Variants in PCDHA8 observed in about 807,000 individuals in gnomAD.
PCDHA8 encodes protocadherin alpha-8.
PCDHA8 carries 53 observed loss-of-function variants against 61.8 expected under a neutral mutation model. That is an observed-to-expected ratio of 0.86 (90% CI 0.69 to 1.08). The LOEUF is 1.08. Among genes scored for constraint, PCDHA8 ranks in the 50% least tolerant of loss-of-function variants. The pLI, the probability that PCDHA8 is intolerant of heterozygous loss-of-function variation, is 0.00. For synonymous variants in PCDHA8, 618 were observed against 556.6 expected (o/e 1.11, Z -1.55); for missense variants, 1,293 against 1,245.0 (o/e 1.04, Z -0.58).
intron 3 of PCDHA8, among the ~76,000 whole-genome samples, chr5:140,984,610 G>A (rs2097110934): frequency 6.6e-6 from 1 of 152,188 alleles, no homozygotes; most frequent in African/African-American, 2.4e-5. Flanking sequence ...CTCTGCATCA[G>A]TGGTGTAAAG....
intron 3 of PCDHA8, among the ~76,000 whole-genome samples, chr5:140,993,524 A>ACGGG (rs2097569997): frequency 2.0e-5 from 3 of 147,314 alleles, no homozygotes; most frequent in Admixed American, 2.0e-4. Flanking sequence ...AGAGAGAGAC[A>ACGGG]GAGAGAGAGA....
chr5:140,842,399 C>G lies in PCDHA8; in HGVS notation c.1078C>G (p.Arg360Gly). ...ACTGACTTCCTTATCCTTGCCTGTACGTGAAGACGCTCAATTTGGTACTGT... is the reference window on the plus strand; with the variant it reads ...ACTGACTTCCTTATCCTTGCCTGTAGGTGAAGACGCTCAATTTGGTACTGT... ...IALTSLSLPV[R>G]EDAQFGTVIA... Residue 360 changes from arginine to glycine, a missense_variant, in exon 1 of 4, where the codon CGT (arginine) becomes GGT (glycine). Transcript: ENST00000531613. 1 of 1,611,446 alleles carries G rather than the reference C, an allele frequency of 6.2e-7. No homozygotes were observed. The highest frequency in any genetic ancestry group is 8.5e-7 in the Non-Finnish European group (1 of 1,177,670).
chr5:140,882,779 C>G (rs1554175579), intron 1 of PCDHA8: 2 of 1,614,168 alleles, frequency 1.2e-6, no homozygotes, highest in Non-Finnish European at 8.5e-7. Context: ...ATTGACCTAC[C>G]GACTGGATCC....
At chr5:140,991,614 A>G (rs1554252334) in intron 3 of PCDHA8, among the ~76,000 whole-genome samples, 2 of 152,194 alleles carry the variant, frequency 1.3e-5, no homozygotes, top group Non-Finnish European at 2.9e-5. Flanking sequence ...AGCACCTTTA[A>G]TGCCATATTT....
intron 1 of PCDHA8, among the ~76,000 whole-genome samples, chr5:140,873,370 T>A (rs2054256707): frequency 6.6e-6 from 1 of 152,166 alleles, no homozygotes; most frequent in Non-Finnish European, 1.5e-5. Flanking sequence ...TAACTGAAGA[T>A]CTTTTAAAGA....
In PCDHA8 at chr5:140,884,413, G is replaced by C. The variant is rs376737487; in HGVS notation, c.2394+40698G>C. 13 of 1,613,896 alleles carry C rather than the reference G, an allele frequency of 8.1e-6. No homozygotes were observed. The East Asian group carries it at 2.5e-4, about 30-fold the overall frequency. On this transcript the variant is annotated intron_variant, in intron 1 of 3. Transcript: ENST00000531613. Reference sequence around the variant, plus strand: ...TGTCCAGCCTGTTGGTGCTCACGTTGCTGCTGTATACTGCGCTGCGGTGCT... The same window carrying C: ...TGTCCAGCCTGTTGGTGCTCACGTTCCTGCTGTATACTGCGCTGCGGTGCT...
In PCDHA8 at chr5:140,950,226, T is replaced by A. The variant is rs1478539445; in HGVS notation, c.2395-28723T>A. ...TGTTTACCTAGTCATTTACCATTTC[T>A]AGTGCCATTAATTTGTTCCTAAAGA... On this transcript the variant is annotated intron_variant, in intron 1 of 3. Coordinates refer to ENST00000531613, the MANE Select transcript of PCDHA8 (RefSeq NM_018911.3). 5.9e-5 allele frequency among the ~76,000 whole-genome samples: 9 copies of A among 152,018 alleles called. No homozygotes were observed. The East Asian group carries it at 1.7e-3, about 29-fold the overall frequency.
chr5:140,988,152 C>G (rs2153871090), intron 3 of PCDHA8, among the ~76,000 whole-genome samples: 1 of 152,258 alleles, frequency 6.6e-6, no homozygotes, highest in East Asian at 1.9e-4. Flanking sequence ...ACCTCAACTT[C>G]TGCCGTTGTC....
At chr5:140,844,198 T>C (rs1163968581) in intron 1 of PCDHA8, among the ~76,000 whole-genome samples, 4 of 149,848 alleles carry the variant, frequency 2.7e-5, no homozygotes, top group South Asian at 4.2e-4. Context: ...TCTGACTTTT[T>C]AGTGTCTGGT....
At position 140,853,027 on chromosome 5, in the gene PCDHA8, T is replaced by C. The variant is rs2150527386; in HGVS notation, c.2394+9312T>C. The C allele has an allele frequency of 3.8e-4, 97 of 255,546 alleles. 3 individuals are homozygous for C. Among genetic ancestry groups the C allele is most frequent in the Non-Finnish European group, 5.7e-4 (88 of 155,318 alleles). 15.8% of individuals were successfully genotyped at this position (255,546 alleles called of 1,614,324 possible). Reference sequence around the variant, plus strand: ...CCGAGTAGCTGGGACTACAGGCGCCTGCCACCATGCCCGCCTAATTTTTTT... The same window carrying C: ...CCGAGTAGCTGGGACTACAGGCGCCCGCCACCATGCCCGCCTAATTTTTTT... On this transcript the variant is annotated intron_variant, in intron 1 of 3. Coordinates refer to ENST00000531613, the MANE Select transcript of PCDHA8 (RefSeq NM_018911.3).
intron 1 of PCDHA8, chr5:140,877,765 C>T (rs377126743): frequency 4.3e-6 from 7 of 1,614,176 alleles, no homozygotes; most frequent in Non-Finnish European, 5.1e-6. Context: ...AGAGAGCCCG[C>T]CCAAGACGGA....
At chr5:140,979,966 A>G (rs1029035910) in intron 2 of PCDHA8, among the ~76,000 whole-genome samples, 7 of 152,258 alleles carry the variant, frequency 4.6e-5, no homozygotes, top group Non-Finnish European at 7.3e-5. Context: ...TTAGCCCATT[A>G]AAATGCATTA....
chr5:140,843,518 C>T lies in PCDHA8; in HGVS notation c.2197C>T (p.Arg733Trp). Reference protein sequence around the residue: ...CSALPTEGGCRAGKPTLVCSS... With the variant: ...CSALPTEGGCWAGKPTLVCSS... ...AGCACTGCCCACTGAGGGCGGGTGC[C>T]GGGCGGGCAAGCCCACTCTGGTGTG... The change falls in exon 1 of 4, where the codon CGG becomes TGG. Residue 733 changes from arginine (R) to tryptophan (W), a missense_variant. By Grantham distance (101) the Arg-to-Trp change is moderately radical. Transcript: ENST00000531613. The T allele has an allele frequency of 1.3e-6, 2 of 1,595,646 alleles. No individual in the cohort carries two copies. Among genetic ancestry groups the T allele is most frequent in the South Asian group, 1.1e-5 (1 of 90,472 alleles).
In PCDHA8 at chr5:140,870,510, A is replaced by G. The variant is rs185967358; in HGVS notation, c.2394+26795A>G. On this transcript the variant is annotated intron_variant, in intron 1 of 3. Transcript: ENST00000531613. ...TGTTCGTGAAGGAGAACAACCCACCAGGCTGCCACATCTTCACAGTGTCGG... is the reference window on the plus strand; with the variant it reads ...TGTTCGTGAAGGAGAACAACCCACCGGGCTGCCACATCTTCACAGTGTCGG... 4.8e-3 allele frequency: 7,668 copies of G among 1,614,220 alleles called. 19 individuals carry two copies. The highest frequency in any genetic ancestry group is 5.8e-3 in the Non-Finnish European group (6,886 of 1,180,042).
intron 3 of PCDHA8, among the ~76,000 whole-genome samples, chr5:140,997,018 A>G (rs1403831704): frequency 6.6e-6 from 1 of 151,882 alleles, no homozygotes; most frequent in African/African-American, 2.4e-5. Flanking sequence ...ATCCTCCAAT[A>G]TTTTTTTGAA....
At chr5:140,869,145 A>G (rs1013407350) in intron 1 of PCDHA8, 58 of 1,613,508 alleles carry the variant, frequency 3.6e-5, no homozygotes, top group Non-Finnish European at 4.7e-5. Context: ...CCCCACGACT[A>G]CAGCTCTGGC....
At chr5:140,992,318 C>G (rs2097504992) in intron 3 of PCDHA8, among the ~76,000 whole-genome samples, 1 of 152,128 alleles carries the variant, frequency 6.6e-6, no homozygotes, top group African/African-American at 2.4e-5. Flanking sequence ...TGGGCATTCC[C>G]TTTTCTAAGA....
intron 1 of PCDHA8, among the ~76,000 whole-genome samples, chr5:140,959,594 A>G (rs1420498368): frequency 6.6e-6 from 1 of 152,220 alleles, no homozygotes; most frequent in African/African-American, 2.4e-5. Flanking sequence ...TCAGCCAAGT[A>G]TAACATGCTT....
chr5:140,986,018 C>T (rs943946792), intron 3 of PCDHA8, among the ~76,000 whole-genome samples: 2 of 152,110 alleles, frequency 1.3e-5, no homozygotes, highest in African/African-American at 2.4e-5. Flanking sequence ...GGATTACAGG[C>T]GTGAGCCACT....
Sources: gnomAD v4.1 joint callset for allele counts (sites outside exome capture counted in the v4.1 genomes callset) on GRCh38, gnomAD v4.1.1 for gene constraint, MANE v1.5 for transcripts, NCBI Gene and HGNC (gene_info 2026-07-23, HGNC 2026-07-21) for gene names.